DMD: variants seen among roughly 807,000 people sequenced by gnomAD.
DMD encodes dystrophin, also known as mutant dystrophin.
DMD carries 63 observed loss-of-function variants against 330.1 expected under a neutral mutation model. The observed-to-expected ratio is 0.19, with a 90% CI of 0.16 to 0.24. The LOEUF (loss-of-function observed/expected upper bound fraction) is 0.24, where lower values mean the gene tolerates loss of function less well. DMD is among the 10% of genes least tolerant of loss of function. The probability of loss-of-function intolerance (pLI) is 1.00; values close to 1 mark genes in which losing one functional copy is unlikely to be tolerated. For missense variants in DMD, 3,344 were observed against 2,684.1 expected (o/e 1.25, Z -5.43); for synonymous variants, 1,223 against 959.8 (o/e 1.27, Z -5.07).
rs907949027 is a variant in DMD, at chrX:32,116,356, T to C, written c.6438+100560A>G. On this transcript the variant is annotated intron_variant, in intron 44 of 78. Transcript: ENST00000357033. ...CAGCTTTATTTCCAATATGGATCACTATCTGAAATCATATGTGTATGCATA... is the reference window on the plus strand; with the variant it reads ...CAGCTTTATTTCCAATATGGATCACCATCTGAAATCATATGTGTATGCATA... Among the ~76,000 whole-genome samples the C allele has an allele frequency of 2.7e-5, 3 of 112,524 alleles. No homozygotes were observed. In the East Asian group the frequency reaches 8.4e-4, roughly 31 times the overall value.
At chrX:32,407,044 C>G (rs1345157088) in intron 30 of DMD, among the ~76,000 whole-genome samples, 1 of 111,333 alleles carries the variant, frequency 9.0e-6, no homozygotes, top group African/African-American at 3.3e-5. Context: ...CTAGGCATTA[C>G]CATTCAGGAC....
intron 30 of DMD, among the ~76,000 whole-genome samples, chrX:32,406,015 T>C (rs931217677): frequency 3.6e-5 from 4 of 111,458 alleles, no homozygotes; most frequent in African/African-American, 6.5e-5. Flanking sequence ...TTTGAAGCAA[T>C]TGCGAATGGG....
At chrX:32,503,632 T>C (rs368296170) in intron 18 of DMD, among the ~76,000 whole-genome samples, 152 of 111,424 alleles carry the variant, frequency 1.4e-3, no homozygotes, top group African/African-American at 4.5e-3. Flanking sequence ...CTCAGCTCAC[T>C]GCAACCTCTG....
intron 1 of DMD, among the ~76,000 whole-genome samples, chrX:33,048,059 T>C (rs1488613236): frequency 8.9e-6 from 1 of 112,426 alleles, no homozygotes; most frequent in Non-Finnish European, 1.9e-5. Context: ...CTTATACAAA[T>C]CTATTAAACC....
chrX:31,222,776 C>T (rs1050962549), intron 64 of DMD, among the ~76,000 whole-genome samples: 34 of 111,847 alleles, frequency 3.0e-4, no homozygotes, highest in Non-Finnish European at 5.3e-4. Context: ...TTATGGATGC[C>T]GATGCCAATG....
chrX:32,679,938 G>T (rs1421168837), intron 9 of DMD, among the ~76,000 whole-genome samples: 3 of 46,871 alleles, frequency 6.4e-5, no homozygotes, highest in Non-Finnish European at 1.1e-4. Flanking sequence ...TTTTTGAGAC[G>T]GAGTCTTACT....
At chrX:33,140,118 C>T (rs2047726495) in intron 1 of DMD, among the ~76,000 whole-genome samples, 1 of 111,695 alleles carries the variant, frequency 9.0e-6, no homozygotes, top group Non-Finnish European at 1.9e-5. Context: ...ATTCTTTAGT[C>T]AGCAGTCACT....
intron 9 of DMD, among the ~76,000 whole-genome samples, chrX:32,684,613 A>AT (rs1345325953): frequency 9.0e-6 from 1 of 111,493 alleles, no homozygotes; most frequent in Non-Finnish European, 1.9e-5. Context: ...CTGTTTCTTT[A>AT]TGTTCTGCAA....
chrX:32,607,761 C>T (rs965236875), intron 12 of DMD, among the ~76,000 whole-genome samples: 7 of 110,260 alleles, frequency 6.3e-5, no homozygotes, highest in African/African-American at 2.3e-4. Context: ...TAAGGTTTCC[C>T]TAAAATGCAT....
chrX:33,058,483 T>TTG (rs1410797940), intron 1 of DMD, among the ~76,000 whole-genome samples: 1 of 108,211 alleles, frequency 9.2e-6, no homozygotes, highest in East Asian at 2.9e-4. Context: ...TTTTTTTTTT[T>TTG]GTAGAGATGA....
At chrX:31,392,263 C>A (rs945290524) in intron 60 of DMD, among the ~76,000 whole-genome samples, 2 of 112,245 alleles carry the variant, frequency 1.8e-5, no homozygotes, top group African/African-American at 6.5e-5. Flanking sequence ...AAGACCAAAG[C>A]CAAAGGCTAA....
At position 32,692,565 on chromosome X, in the gene DMD, T is replaced by TA. The variant is rs754154640; in HGVS notation, c.960+5304dup. Among the ~76,000 whole-genome samples, 11 of 111,879 alleles carry TA rather than the reference T, an allele frequency of 9.8e-5. No homozygotes were observed. The South Asian group carries it at 1.9e-3, about 19-fold the overall frequency. On this transcript the variant is annotated intron_variant, in intron 9 of 78. Coordinates refer to ENST00000357033, the MANE Select transcript of DMD (RefSeq NM_004006.3). ...CCTCCCAACACAGGATTGCTGGATG[T>TA]AAAATCACCCAGAAGTGCTTTTTCT...
intron 63 of DMD, among the ~76,000 whole-genome samples, chrX:31,235,749 A>G (rs1348019254): frequency 1.8e-5 from 2 of 112,532 alleles, no homozygotes; most frequent in Non-Finnish European, 3.7e-5. Flanking sequence ...TTACAACCTG[A>G]GCTGGAGCTT....
At position 32,657,427 on chromosome X, in the gene DMD, C is replaced by T. The variant is rs142289159; in HGVS notation, c.961-12275G>A. Among the ~76,000 whole-genome samples, 454 of 111,994 alleles carry T rather than the reference C, an allele frequency of 4.1e-3. 1 individual carries two copies. The highest frequency in any genetic ancestry group is 0.014 in the African/African-American group (422 of 30,880). On this transcript the variant is annotated intron_variant, in intron 9 of 78. Coordinates refer to ENST00000357033, the MANE Select transcript of DMD (RefSeq NM_004006.3). ...AGATGGCACATGAAAGACGTCTAGC[C>T]TAGTGATTTCTTTGTTCTTACTGTT...
intron 11 of DMD, among the ~76,000 whole-genome samples, chrX:32,640,787 C>T (rs934657692): frequency 9.9e-5 from 11 of 111,488 alleles, no homozygotes; most frequent in African/African-American, 3.3e-4. Context: ...CTCCAGTGGC[C>T]TTCCTGATAG....
At chrX:33,010,130 A>G (rs1178352736) in intron 2 of DMD, among the ~76,000 whole-genome samples, 1 of 101,490 alleles carries the variant, frequency 9.9e-6, no homozygotes, top group Non-Finnish European at 2.0e-5. Context: ...GTGTGTATAT[A>G]TGTATATATA....
chrX:33,277,491 T>C (rs745361928), intron 1 of DMD, among the ~76,000 whole-genome samples: 1 of 111,258 alleles, frequency 9.0e-6, no homozygotes, highest in Non-Finnish European at 1.9e-5. Context: ...AGGCCAGACT[T>C]GCAGGGCAGG....
At chrX:31,241,812 C>A (rs1393084125) in intron 63 of DMD, among the ~76,000 whole-genome samples, 1 of 111,576 alleles carries the variant, frequency 9.0e-6, no homozygotes, top group Non-Finnish European at 1.9e-5. Flanking sequence ...AATTCCTATT[C>A]CAAAACACAG....
intron 44 of DMD, among the ~76,000 whole-genome samples, chrX:32,008,235 G>A (rs750737058): frequency 1.9e-4 from 21 of 111,297 alleles, no homozygotes; most frequent in African/African-American, 6.8e-4. Context: ...GTTGAGGCTA[G>A]GTGGAAAGAG....
Sources: gnomAD v4.1 joint callset for allele counts (sites outside exome capture counted in the v4.1 genomes callset) on GRCh38, gnomAD v4.1.1 for gene constraint, MANE v1.5 for transcripts, NCBI Gene and HGNC (gene_info 2026-07-23, HGNC 2026-07-21) for gene names.